ALPK1: variants seen among roughly 807,000 people sequenced by gnomAD.
The protein encoded by ALPK1 is alpha kinase 1.
Under a neutral mutation model 120.6 loss-of-function variants are expected in ALPK1, and 110 were observed. The observed-to-expected ratio is 0.91, with a 90% CI of 0.78 to 1.07. The LOEUF (loss-of-function observed/expected upper bound fraction) is 1.07. Among genes scored for constraint, ALPK1 ranks in the 50% least tolerant of loss-of-function variants. The pLI, the probability that ALPK1 is intolerant of heterozygous loss-of-function variation, is 0.00. For synonymous variants in ALPK1, 582 were observed against 560.3 expected (o/e 1.04, Z -0.55); for missense variants, 1,498 against 1,483.9 (o/e 1.01, Z -0.16).
chr4:112,340,973 G>A (rs1481312229), intron 2 of ALPK1, among the ~76,000 whole-genome samples: 1 of 152,162 alleles, frequency 6.6e-6, no homozygotes, highest in Non-Finnish European at 1.5e-5. Context: ...AAGATTGAAA[G>A]CCCCCTAAAG....
chr4:112,434,954 T>A (rs1734724626), intron 11 of ALPK1, among the ~76,000 whole-genome samples, 194 bp from the exon 12 acceptor site: 1 of 152,234 alleles, frequency 6.6e-6, no homozygotes, highest in African/African-American at 2.4e-5. Flanking sequence ...ATTTATAAAG[T>A]GTTACTTTTT....
intron 2 of ALPK1, chr4:112,356,944 G>C (rs1193765299): frequency 2.1e-5 from 16 of 761,702 alleles, no homozygotes; most frequent in Non-Finnish European, 3.7e-5. Context: ...CCCATGACCC[G>C]AGTTCGGGAC....
chr4:112,370,170 G>A (rs1731339131), intron 2 of ALPK1, among the ~76,000 whole-genome samples: 1 of 152,168 alleles, frequency 6.6e-6, no homozygotes, highest in African/African-American at 2.4e-5. Context: ...TATAATAGCT[G>A]ATTTGTCAAT....
chr4:112,358,297 CTT>C (rs1211412203), intron 2 of ALPK1: 1 of 602,228 alleles, frequency 1.7e-6, no homozygotes, highest in Non-Finnish European at 3.1e-6. Flanking sequence ...GGGTGTACAA[CTT>C]CGGCCATGTC....
At chr4:112,409,179 A>G (rs922678255) in intron 4 of ALPK1, among the ~76,000 whole-genome samples, 2 of 152,184 alleles carry the variant, frequency 1.3e-5, no homozygotes, top group Admixed American at 1.3e-4. Context: ...TCAGGTTATC[A>G]GGTAGCTACT....
intron 2 of ALPK1, among the ~76,000 whole-genome samples, chr4:112,373,793 A>G (rs1460467451): frequency 2.0e-5 from 3 of 152,242 alleles, no homozygotes; most frequent in Non-Finnish European, 4.4e-5. Flanking sequence ...ATATTAATGA[A>G]AGTTATGTTT....
chr4:112,381,055 G>C (rs1331553286), intron 3 of ALPK1, among the ~76,000 whole-genome samples: 1 of 152,210 alleles, frequency 6.6e-6, no homozygotes, highest in Admixed American at 6.5e-5. Context: ...AACGGGATTT[G>C]CCAAACCACT....
rs753219837 is a variant in ALPK1 at position 112,439,775 on chromosome 4, G to A, written c.3441G>A (p.Val1147=). ...TAAAATTGTCAAATAACACGAAAGT[G>A]GTGAAAACAGAATACAAAGCCACAG... ...EFVKLSNNTK[V]VKTEYKATEY... is the part of the protein sequence containing the mutation. Residue 1147 remains valine (V), a synonymous_variant, in exon 14 of 16, where the codon GTG becomes GTA. Transcript: ENST00000650871. 7 of 1,613,480 alleles carry A rather than the reference G, an allele frequency of 4.3e-6. No individual in the cohort carries two copies. The highest frequency in any genetic ancestry group is 5.9e-6 in the Non-Finnish European group (7 of 1,179,854).
chr4:112,329,300 G>T (rs1306150221), intron 2 of ALPK1, among the ~76,000 whole-genome samples: 2 of 152,192 alleles, frequency 1.3e-5, no homozygotes, highest in African/African-American at 4.8e-5. Context: ...TGAGTAGATT[G>T]TGTATAGTCC....
At chr4:112,308,481 A>G (rs28838604) in intron 1 of ALPK1, among the ~76,000 whole-genome samples, 3,057 of 151,884 alleles carry the variant, frequency 0.02, 128 homozygotes, top group African/African-American at 0.069. Context: ...TTCTCTTTTC[A>G]CTTCATTTCA....
chr4:112,365,811 A>G (rs1048753963), intron 2 of ALPK1, among the ~76,000 whole-genome samples: 6 of 152,202 alleles, frequency 3.9e-5, no homozygotes, highest in Admixed American at 3.9e-4. Flanking sequence ...AAACTATACT[A>G]TAAGGCCATA....
At chr4:112,303,441 G>A (rs757714577) in intron 1 of ALPK1, among the ~76,000 whole-genome samples, 1 of 152,144 alleles carries the variant, frequency 6.6e-6, no homozygotes, top group Admixed American at 6.5e-5. Context: ...CACCCTAGAT[G>A]TCTTTTTTAT....
intron 2 of ALPK1, among the ~76,000 whole-genome samples, chr4:112,355,496 G>A (rs1180662594): frequency 3.9e-5 from 6 of 152,152 alleles, no homozygotes; most frequent in Non-Finnish European, 8.8e-5. Context: ...GAAAGCGGTC[G>A]GCTCACACTC....
chr4:112,425,945 G>T, intron 7 of ALPK1, 194 bp downstream of exon 7: 1 of 449,122 alleles, frequency 2.2e-6, no homozygotes. Flanking sequence ...TTTTTTTCTA[G>T]TGAGTTTTGT....
In ALPK1 at chr4:112,441,568, T is replaced by A; in HGVS notation, c.*358T>A. 4.5e-6 allele frequency: 1 copy of A among 220,598 alleles called. No homozygotes were observed. Among genetic ancestry groups the A allele is most frequent in the Non-Finnish European group, 8.9e-6 (1 of 112,452 alleles). The allele number at this position is 220,598 out of a possible 1,614,324, so 13.7% of individuals were successfully genotyped here. On this transcript the variant is annotated 3_prime_UTR_variant, in exon 16 of 16. Coordinates refer to ENST00000650871, the MANE Select transcript of ALPK1 (RefSeq NM_025144.4). ...GGGGCTTTTCCTATTGATTTGGGAG[T>A]TCTTTACATATTAAAAAAATGTGAG...
intron 4 of ALPK1, among the ~76,000 whole-genome samples, chr4:112,399,907 G>A (rs1274177693): frequency 6.6e-6 from 1 of 152,124 alleles, no homozygotes; most frequent in African/African-American, 2.4e-5. Context: ...CTTCATCCAT[G>A]TCCCTGCAAA....
Position 112,366,833 on chromosome 4 carries a change from G to A in ALPK1, c.-100-10845G>A, listed in dbSNP as rs74519993. ...CAATCAATGAGTGGGTAAAGAAATT[G>A]TGGTATATATACACCATGGACTACT... On this transcript the variant is annotated intron_variant, in intron 2 of 15. Coordinates refer to ENST00000650871, the MANE Select transcript of ALPK1 (RefSeq NM_025144.4). 6.1e-3 allele frequency among the ~76,000 whole-genome samples: 935 copies of A among 152,270 alleles called. 10 individuals are homozygous for A. The highest frequency in any genetic ancestry group is 0.021 in the African/African-American group (854 of 41,548).
chr4:112,354,603 G>T (rs1238144648), intron 2 of ALPK1, among the ~76,000 whole-genome samples: 2 of 152,068 alleles, frequency 1.3e-5, no homozygotes, highest in Non-Finnish European at 2.9e-5. Context: ...AAGTAGCTAG[G>T]ATTACAAGCA....
In ALPK1 at chr4:112,438,449, T is replaced by G. The variant is rs76533485; in HGVS notation, c.3189-35T>G. On this transcript the variant is annotated intron_variant, in intron 12 of 15. Transcript: ENST00000650871. ...TACTCCATAGTAAGTAAGACCACTT[T>G]TGCATTTTGTTGTGTGGATTTTCTT... The G allele has an allele frequency of 4.0e-3, 6,350 of 1,604,336 alleles. 163 individuals are homozygous for G. In the East Asian group the frequency reaches 0.071, roughly 18 times the overall value.
Sources: allele counts gnomAD v4.1 joint callset (sites outside exome capture counted in the v4.1 genomes callset), GRCh38; gene constraint gnomAD v4.1.1; transcripts MANE v1.5; gene names NCBI Gene and HGNC (gene_info 2026-07-23, HGNC 2026-07-21).